LARP4B: variants seen among roughly 807,000 people sequenced by gnomAD.
LARP4B encodes the protein la-related protein 4B.
A neutral mutation model predicts 89.8 loss-of-function variants in LARP4B; 12 were observed. That is an observed-to-expected ratio of 0.13 (90% CI 0.09 to 0.22). LARP4B has a LOEUF of 0.22. Among genes scored for constraint, LARP4B ranks in the 10% least tolerant of loss-of-function variants. The pLI is 1.00. For missense variants in LARP4B, 757 were observed against 947.7 expected (o/e 0.80, Z 2.64); for synonymous variants, 367 against 363.3 (o/e 1.01, Z -0.12).
chr10:987,397 G>A, the LARP4B span: 1 of 152,190 alleles, frequency 6.6e-6, no homozygotes, highest in Non-Finnish European at 1.5e-5. Context: ...AGAGTGGGGG[G>A]CATCCCAGAT....
chr10:945,674 C>T, the LARP4B span, among the ~76,000 whole-genome samples: 63 of 141,328 alleles, frequency 4.5e-4, no homozygotes, highest in Admixed American at 9.5e-4. Context: ...GGCAACAGAG[C>T]GAGACTCCGT....
At chr10:821,616 G>GCAAAGACTCCC (rs1439656538) in intron 13 of LARP4B, among the ~76,000 whole-genome samples, 1 of 152,228 alleles carries the variant, frequency 6.6e-6, no homozygotes, top group African/African-American at 2.4e-5. Context: ...TTAATGGAAT[G>GCAAAGACTCCC]CAAAGACTCC....
chr10:851,943 G>A (rs886837034), intron 5 of LARP4B, among the ~76,000 whole-genome samples: 2 of 152,128 alleles, frequency 1.3e-5, no homozygotes, highest in Non-Finnish European at 2.9e-5. Flanking sequence ...GTGTGCTACT[G>A]TAGTCCCAGC....
chr10:908,950 C>T (rs1324683485), intron 1 of LARP4B, among the ~76,000 whole-genome samples: 2 of 152,112 alleles, frequency 1.3e-5, no homozygotes, highest in Admixed American at 1.3e-4. Context: ...ATGCCTGGCA[C>T]ACAGCATGTG....
At chr10:833,249 TAAAAAAAAAAAAAA>T (rs56788542) in intron 8 of LARP4B, among the ~76,000 whole-genome samples, 76 of 52,038 alleles carry the variant, frequency 1.5e-3, no homozygotes, top group East Asian at 0.011. Flanking sequence ...TGATGAGCTT[TAAAAAAAAAAAAAA>T]AAAAAAAAAA....
chr10:856,396 G>C (rs1376093734), intron 5 of LARP4B, among the ~76,000 whole-genome samples: 1 of 152,162 alleles, frequency 6.6e-6, no homozygotes, highest in Non-Finnish European at 1.5e-5. Context: ...TTATCACTCT[G>C]GTCTGACAAG....
At chr10:840,865 G>C (rs1833489403) in intron 7 of LARP4B, among the ~76,000 whole-genome samples, 1 of 152,116 alleles carries the variant, frequency 6.6e-6, no homozygotes, top group Non-Finnish European at 1.5e-5. Context: ...CTAAACATAA[G>C]ATGAGGCCAG....
At chr10:933,836 CT>C (rs879287860), upstream of LARP4B, among the ~76,000 whole-genome samples, 630 of 143,824 alleles carry the variant, frequency 4.4e-3, 3 homozygotes, top group African/African-American at 0.011. Context: ...GTAGGTTAAA[CT>C]TTTTTTTTTT....
At chr10:835,710 G>A (rs1833175916) in intron 8 of LARP4B, among the ~76,000 whole-genome samples, 2 of 152,154 alleles carry the variant, frequency 1.3e-5, no homozygotes, top group South Asian at 2.1e-4. Flanking sequence ...CAAGTCGGGT[G>A]GATTATGAGG....
At chr10:821,286 C>T (rs1172714837) in intron 13 of LARP4B, among the ~76,000 whole-genome samples, 4 of 152,214 alleles carry the variant, frequency 2.6e-5, no homozygotes, top group African/African-American at 9.7e-5. Context: ...TACCGCGTCC[C>T]ATCCCTTCCT....
intron 1 of LARP4B, among the ~76,000 whole-genome samples, chr10:888,578 A>G (rs1197336371): frequency 1.3e-5 from 2 of 152,204 alleles, no homozygotes; most frequent in South Asian, 2.1e-4. Flanking sequence ...TCCAGTCACA[A>G]AAATATCACC....
chr10:908,279 A>G (rs922519575), intron 1 of LARP4B, among the ~76,000 whole-genome samples: 79 of 152,340 alleles, frequency 5.2e-4, no homozygotes, highest in African/African-American at 1.9e-3. Context: ...AGGTTGTTAA[A>G]GAGTGGCAGC....
intron 1 of LARP4B, among the ~76,000 whole-genome samples, chr10:890,469 CG>C (rs1564433134): frequency 6.6e-6 from 1 of 152,046 alleles, no homozygotes; most frequent in East Asian, 1.9e-4. Flanking sequence ...GTAGTACCAA[CG>C]TCTTCTTATT....
At chr10:850,444 T>C (rs1423655954) in intron 5 of LARP4B, among the ~76,000 whole-genome samples, 1 of 152,086 alleles carries the variant, frequency 6.6e-6, no homozygotes, top group Non-Finnish European at 1.5e-5. Context: ...GAGGGGTCAA[T>C]GAATCAAGAG....
chr10:857,850 CAATGGCCAAAAGA>C (rs1446494796), intron 5 of LARP4B, among the ~76,000 whole-genome samples: 1 of 152,062 alleles, frequency 6.6e-6, no homozygotes, highest in East Asian at 1.9e-4. Flanking sequence ...TTCTAAATGT[CAATGGCCAAAAGA>C]TGGATCCTTT....
intron 5 of LARP4B, among the ~76,000 whole-genome samples, chr10:857,235 A>G (rs764956333): frequency 1.3e-5 from 2 of 152,142 alleles, no homozygotes; most frequent in Non-Finnish European, 2.9e-5. Flanking sequence ...CTAGGATAAG[A>G]TGCTAAGGGC....
chr10:932,716 C>A (rs1224683774), upstream of LARP4B, among the ~76,000 whole-genome samples: 5 of 143,716 alleles, frequency 3.5e-5, no homozygotes, highest in African/African-American at 1.3e-4. Context: ...CAGGCCCCAG[C>A]CCTGTCCCGA....
At position 878,982 on chromosome 10, in the gene LARP4B, C is replaced by A. The variant is rs184591390; in HGVS notation, c.141+5465G>T. Among the ~76,000 whole-genome samples the A allele has an allele frequency of 4.1e-3, 619 of 152,086 alleles. 3 individuals are homozygous for A. The highest frequency in any genetic ancestry group is 0.013 in the African/African-American group (534 of 41,388). On this transcript the variant is annotated intron_variant, in intron 3 of 17. Transcript: ENST00000316157. ...AGAGATGTTTTTACTGATCCCAGTG[C>A]CTTGAAAGACTACTATTACATCTGT...
At chr10:875,746 G>T (rs900645300) in intron 3 of LARP4B, among the ~76,000 whole-genome samples, 1 of 152,126 alleles carries the variant, frequency 6.6e-6, no homozygotes, top group Admixed American at 6.5e-5. Context: ...GGCAGAGCCT[G>T]GTGTCCTTAT....
Sources: gnomAD v4.1 joint callset for allele counts (sites outside exome capture counted in the v4.1 genomes callset) on GRCh38, gnomAD v4.1.1 for gene constraint, MANE v1.5 for transcripts, NCBI Gene and HGNC (gene_info 2026-07-23, HGNC 2026-07-21) for gene names.